ZNF420: variants seen among roughly 807,000 people sequenced by gnomAD.
ZNF420 encodes the protein zinc finger protein 420, also known as ATM and p53-associated KZNF protein.
Under a neutral mutation model 44.7 loss-of-function variants are expected in ZNF420, and 31 were observed. The observed-to-expected ratio is 0.69, with a 90% CI of 0.52 to 0.94. The LOEUF (loss-of-function observed/expected upper bound fraction) is 0.94. Among genes scored for constraint, ZNF420 ranks in the 40% least tolerant of loss-of-function variants. The probability of loss-of-function intolerance (pLI) is 0.00; values close to 1 mark genes in which losing one functional copy is unlikely to be tolerated. For missense variants in ZNF420, 681 were observed against 827.9 expected (o/e 0.82, Z 2.18); for synonymous variants, 245 against 267.4 (o/e 0.92, Z 0.82).
At chr19:37,080,037 C>T (rs1243647906) in intron 1 of ZNF420, among the ~76,000 whole-genome samples, 1 of 152,062 alleles carries the variant, frequency 6.6e-6, no homozygotes, top group African/African-American at 2.4e-5. Flanking sequence ...TAATGGGACT[C>T]CAGGAGTGGG....
In ZNF420 at chr19:37,127,328, A is replaced by T; in HGVS notation, c.337A>T (p.Ile113Leu). 1 of 1,612,510 alleles carries T rather than the reference A, an allele frequency of 6.2e-7. No individual in the cohort carries two copies. Among genetic ancestry groups the T allele is most frequent in the Non-Finnish European group, 8.5e-7 (1 of 1,178,968 alleles). Reference protein sequence around the residue: ...QKEYFRQGMIIYDKMSIFNQH... With the variant: ...QKEYFRQGMILYDKMSIFNQH... ...GGAATATTTCAGGCAAGGGATGATC[A>T]TATATGACAAAATGTCCATTTTCAA... The change falls in exon 5 of 5, where the codon ATA becomes TTA. Residue 113 changes from isoleucine to leucine, a missense_variant. Coordinates refer to ENST00000337995, the MANE Select transcript of ZNF420 (RefSeq NM_144689.5).
intron 4 of ZNF420, among the ~76,000 whole-genome samples, chr19:37,104,645 CTGT>C (rs1185396530): frequency 6.6e-6 from 1 of 152,156 alleles, no homozygotes; most frequent in Non-Finnish European, 1.5e-5. Context: ...TCTCCAGCAC[CTGT>C]TGTTTCCTGA....
intron 4 of ZNF420, among the ~76,000 whole-genome samples, chr19:37,121,533 C>A (rs1971035339): frequency 1.3e-5 from 2 of 152,116 alleles, no homozygotes; most frequent in South Asian, 4.2e-4. Flanking sequence ...TAGAAGAAAA[C>A]CTAGGCAATA....
chr19:37,038,851 C>T lies in ZNF420; in HGVS notation c.-125+30769C>T, dbSNP rs139289965. On this transcript the variant is annotated intron_variant, in intron 1 of 4. Transcript: ENST00000587029. ...AAAAATACAACATTAGCCGGAATGG[C>T]AGTGCATGCCTATAATACCAGCTCC... is the stretch of plus-strand genomic sequence containing the variant. Among the ~76,000 whole-genome samples the T allele has an allele frequency of 6.7e-3, 1,023 of 152,074 alleles. 12 individuals carry two copies. The highest frequency in any genetic ancestry group is 0.023 in the African/African-American group (966 of 41,492).
At chr19:37,116,566 G>A (rs1212145896) in intron 4 of ZNF420, among the ~76,000 whole-genome samples, 1 of 152,128 alleles carries the variant, frequency 6.6e-6, no homozygotes, top group African/African-American at 2.4e-5. Context: ...TCCATCTGAG[G>A]TACCGGGTTC....
chr19:37,031,620 C>G (rs1967259399), intron 1 of ZNF420, among the ~76,000 whole-genome samples: 1 of 152,096 alleles, frequency 6.6e-6, no homozygotes, highest in Non-Finnish European at 1.5e-5. Flanking sequence ...ATTCTCTTGC[C>G]TCAGCCTCCC....
intron 1 of ZNF420, among the ~76,000 whole-genome samples, chr19:37,029,870 T>C (rs1217187525): frequency 1.5e-5 from 2 of 132,966 alleles, no homozygotes; most frequent in African/African-American, 5.6e-5. Context: ...TATAATGTTA[T>C]AGGATATATA....
intron 1 of ZNF420, among the ~76,000 whole-genome samples, chr19:37,060,527 T>G (rs1967857685): frequency 6.6e-6 from 1 of 152,106 alleles, no homozygotes; most frequent in Non-Finnish European, 1.5e-5. Flanking sequence ...CTGAATGTCT[T>G]CAACAAAGAT....
chr19:37,105,338 G>T (rs1381654724), intron 4 of ZNF420, among the ~76,000 whole-genome samples: 3 of 152,146 alleles, frequency 2.0e-5, no homozygotes, highest in South Asian at 2.1e-4. Context: ...TGAGGGCTCT[G>T]TTCTGTTCCA....
chr19:37,122,692 A>G (rs77479552), intron 4 of ZNF420, among the ~76,000 whole-genome samples: 8,836 of 152,106 alleles, frequency 0.058, 325 homozygotes, highest in East Asian at 0.17. Flanking sequence ...CTCAATGGCT[A>G]TTCCTTCTTA....
chr19:37,126,861 G>A (rs1971371552), intron 4 of ZNF420, among the ~76,000 whole-genome samples: 1 of 151,814 alleles, frequency 6.6e-6, no homozygotes, highest in Non-Finnish European at 1.5e-5. Context: ...AGTGTAGTGG[G>A]GTTTGTCTGC....
intron 1 of ZNF420, among the ~76,000 whole-genome samples, chr19:37,012,894 T>G (rs1240234895): frequency 1.3e-5 from 2 of 152,098 alleles, no homozygotes; most frequent in Non-Finnish European, 2.9e-5. Flanking sequence ...TGCGTGTGTG[T>G]GTGTTGGGAC....
chr19:37,123,442 C>G (rs535370726), intron 4 of ZNF420, among the ~76,000 whole-genome samples: 1 of 152,106 alleles, frequency 6.6e-6, no homozygotes, highest in South Asian at 2.1e-4. Flanking sequence ...GGCCTTGTCT[C>G]TTGAATTTTT....
intron 1 of ZNF420, among the ~76,000 whole-genome samples, chr19:37,034,140 C>A (rs1448915898): frequency 1.3e-5 from 2 of 151,896 alleles, no homozygotes; most frequent in Non-Finnish European, 2.9e-5. Flanking sequence ...ACTGGAAAGG[C>A]ACAAGGGTTC....
At chr19:37,075,964 A>G (rs1212665035), upstream of ZNF420, among the ~76,000 whole-genome samples, 1 of 151,876 alleles carries the variant, frequency 6.6e-6, no homozygotes, top group Non-Finnish European at 1.5e-5. Context: ...ATTCTAACAA[A>G]TCCTTCTCAG....
At chr19:37,114,323 C>T (rs111452826) in intron 4 of ZNF420, among the ~76,000 whole-genome samples, 2,946 of 152,246 alleles carry the variant, frequency 0.019, 80 homozygotes, top group East Asian at 0.05. Context: ...TCCTGAAGTT[C>T]GGCTGGCGGC....
chr19:37,034,589 C>T (rs1211722829), intron 1 of ZNF420, among the ~76,000 whole-genome samples: 1 of 152,122 alleles, frequency 6.6e-6, no homozygotes, highest in East Asian at 1.9e-4. Flanking sequence ...TCTCTCCTGC[C>T]TCATATGTAC....
chr19:37,100,630 G>A (rs146543540), intron 4 of ZNF420, among the ~76,000 whole-genome samples: 2,630 of 151,950 alleles, frequency 0.017, 41 homozygotes, highest in Middle Eastern at 0.054. Context: ...GGAGAATCAC[G>A]TGAACCTGGG....
At chr19:37,053,532 G>A (rs1454815497) in intron 1 of ZNF420, among the ~76,000 whole-genome samples, 1 of 152,142 alleles carries the variant, frequency 6.6e-6, no homozygotes, top group African/African-American at 2.4e-5. Context: ...ATACCGATGG[G>A]GTTTTGGTGT....
Sources: allele counts gnomAD v4.1 joint callset (sites outside exome capture counted in the v4.1 genomes callset), GRCh38; gene constraint gnomAD v4.1.1; transcripts MANE v1.5; gene names NCBI Gene and HGNC (gene_info 2026-07-23, HGNC 2026-07-21).